The following BACC1 variants were observed in gnomAD, a reference collection of about 807,000 sequenced individuals.
BACC1 encodes the protein BPTF-associated chromatin complex component 1.
the BACC1 span, chr17:7,017,095 G>A: frequency 3.3e-6 from 5 of 1,534,988 alleles, no homozygotes; most frequent in South Asian, 5.6e-5. Context: ...GGTCTCCGCA[G>A]GGGCCCCTCC....
At chr17:7,015,077 T>C in the BACC1 span, 2 of 1,561,036 alleles carry the variant, frequency 1.3e-6, no homozygotes, top group African/African-American at 1.4e-5. Context: ...AGAGATCTTC[T>C]CGGCGGCCGG....
the BACC1 span, chr17:7,016,556 G>A: frequency 4.3e-6 from 7 of 1,614,036 alleles, no homozygotes; most frequent in African/African-American, 9.3e-5. Flanking sequence ...CCCCCTTCCA[G>A]CTGAGTCACC....
At chr17:7,017,063 G>T in the BACC1 span, 1 of 1,570,016 alleles carries the variant, frequency 6.4e-7, no homozygotes, top group African/African-American at 1.4e-5. Flanking sequence ...GGGAGAAAGG[G>T]CTCACCTGGA....
the BACC1 span, chr17:7,014,898 C>T: frequency 6.6e-7 from 1 of 1,519,386 alleles, no homozygotes; most frequent in Non-Finnish European, 8.8e-7. This position sits in a 1 kb window ranked among gnomAD's most constrained non-coding sequence, Gnocchi z 4.5. Context: ...CCCTCGCGGA[C>T]AGCGCTCCCT....
the BACC1 span, chr17:7,016,463 T>C: frequency 6.2e-7 from 1 of 1,602,576 alleles, no homozygotes; most frequent in Non-Finnish European, 8.5e-7. Context: ...CTCTGATGAC[T>C]CCTTTCCTAA....
the BACC1 span, chr17:7,016,625 C>T: frequency 3.7e-6 from 6 of 1,614,068 alleles, no homozygotes; most frequent in Non-Finnish European, 5.1e-6. Flanking sequence ...AGCTGCCCCT[C>T]CTCCCAGCAG....
the BACC1 span, chr17:7,016,036 A>C: frequency 1.6e-6 from 1 of 622,376 alleles, no homozygotes; most frequent in Non-Finnish European, 2.8e-6. Context: ...GAATTGTCAC[A>C]GTTGGTCAGA....
chr17:7,017,086 G>GT, the BACC1 span: 1 of 1,537,272 alleles, frequency 6.5e-7, no homozygotes, highest in Non-Finnish European at 9.0e-7. Context: ...GCAGGGCACG[G>GT]TCTCCGCAGG....
At chr17:7,016,417 A>G in the BACC1 span, 1 of 1,502,830 alleles carries the variant, frequency 6.7e-7, no homozygotes, top group Non-Finnish European at 9.1e-7. Context: ...GGACTCCCAG[A>G]ACCCCTTCCC....
chr17:7,016,578 CCAAG>C, the BACC1 span: 1 of 1,614,014 alleles, frequency 6.2e-7, no homozygotes, highest in Non-Finnish European at 8.5e-7. Context: ...AAGAAAGGGC[CCAAG>C]AAGGTGGCAT....
At chr17:7,017,455 C>G in the BACC1 span, 1 of 821,290 alleles carries the variant, frequency 1.2e-6, no homozygotes, top group East Asian at 2.5e-5. Context: ...AGCATCTGCC[C>G]CCAACCCCTT....
At chr17:7,015,461 T>C in the BACC1 span, 1 of 1,372,010 alleles carries the variant, frequency 7.3e-7, no homozygotes, top group Non-Finnish European at 9.4e-7. Flanking sequence ...GCTGTGTTGG[T>C]GGGTCTGTTT....
chr17:7,017,040 G>A, the BACC1 span: 3 of 1,593,786 alleles, frequency 1.9e-6, no homozygotes, highest in Non-Finnish European at 2.6e-6. Flanking sequence ...CTCCCACACA[G>A]CTGACGGGGT....
the BACC1 span, chr17:7,016,178 C>G: frequency 1.9e-6 from 1 of 517,970 alleles, no homozygotes; most frequent in South Asian, 2.5e-5. Context: ...GCAGTGTTTC[C>G]AGGGATATGG....
At chr17:7,017,432 C>A in the BACC1 span, 1 of 1,006,036 alleles carries the variant, frequency 9.9e-7, no homozygotes, top group Non-Finnish European at 1.6e-6. Context: ...TGCCACCTCG[C>A]TATTCCCGCA....
the BACC1 span, chr17:7,015,330 TACAG>T: frequency 7.3e-7 from 1 of 1,372,958 alleles, no homozygotes; most frequent in Non-Finnish European, 9.3e-7. Context: ...CAGATAAAAA[TACAG>T]ACAGGCCCAT....
At chr17:7,017,185 G>A in the BACC1 span, 1 of 1,603,268 alleles carries the variant, frequency 6.2e-7, no homozygotes, top group Non-Finnish European at 8.5e-7. Flanking sequence ...GGGTGTTTCA[G>A]GGAGGTGGGA....
the BACC1 span, chr17:7,015,577 G>C: frequency 7.1e-7 from 1 of 1,415,002 alleles, no homozygotes; most frequent in Non-Finnish European, 9.2e-7. Flanking sequence ...GTGATTTCTT[G>C]TGATTGGGGT....
chr17:7,015,054 G>A, the BACC1 span: 2 of 1,521,046 alleles, frequency 1.3e-6, no homozygotes, highest in Non-Finnish European at 1.7e-6. Flanking sequence ...ACGCTGCCCC[G>A]CCCCCAGGTC....
Sources: gnomAD v4.1 joint callset for allele counts on GRCh38, gnomAD v4.1.1 for gene constraint, Gnocchi (gnomAD v3.1) non-coding constraint, MANE v1.5 for transcripts, NCBI Gene and HGNC (gene_info 2026-07-23, HGNC 2026-07-21) for gene names.